Variants in NFASC observed in about 807,000 individuals in gnomAD.
NFASC encodes the protein neurofascin homolog.
In NFASC, 43 loss-of-function variants were observed where a neutral mutation model predicts 147.5. That is an observed-to-expected ratio of 0.29 (90% confidence interval 0.23 to 0.38). The LOEUF (loss-of-function observed/expected upper bound fraction) is 0.38. Among genes scored for constraint, NFASC ranks in the 10% least tolerant of loss-of-function variants. The pLI is 1.00. For synonymous variants in NFASC, 622 were observed against 665.5 expected, an observed-to-expected ratio of 0.93 and a Z score of 1.01; for missense variants, 1,320 against 1,689.0, an observed-to-expected ratio of 0.78 and a Z score of 3.83.
At chr1:204,851,209 A>C (rs915230556) in intron 1 of NFASC, among the ~76,000 whole-genome samples, 1 of 152,228 alleles carries the variant, frequency 6.6e-6, no homozygotes, top group Non-Finnish European at 1.5e-5. Context: ...CAACTTCAGC[A>C]TGTGAGAGCA....
chr1:204,873,793 C>G (rs1218745767), intron 1 of NFASC, among the ~76,000 whole-genome samples: 1 of 152,180 alleles, frequency 6.6e-6, no homozygotes, highest in South Asian at 2.1e-4. Context: ...GTAGCTTTTA[C>G]TTCCCCTCTG....
At chr1:204,993,295 G>A (rs920412396) in intron 24 of NFASC, among the ~76,000 whole-genome samples, 1 of 152,204 alleles carries the variant, frequency 6.6e-6, no homozygotes, top group Non-Finnish European at 1.5e-5. Context: ...TTTGGCCGGG[G>A]TAGTCAACAC....
intron 23 of NFASC, chr1:204,990,007 CA>C (rs2150630948): frequency 6.6e-6 from 1 of 152,498 alleles, no homozygotes; most frequent in East Asian, 1.9e-4. Context: ...CTGGGGCTAC[CA>C]GGCCCGCTGC....
At chr1:204,830,396 A>C (rs1671867175) in intron 1 of NFASC, among the ~76,000 whole-genome samples, 1 of 152,188 alleles carries the variant, frequency 6.6e-6, no homozygotes, top group Non-Finnish European at 1.5e-5. Context: ...GAAGGCAGGC[A>C]GAGATCTATC....
chr1:204,958,429 A>G (rs1454080240), intron 8 of NFASC, among the ~76,000 whole-genome samples: 1 of 152,136 alleles, frequency 6.6e-6, no homozygotes, highest in African/African-American at 2.4e-5. Flanking sequence ...TTTCGTTTCT[A>G]TTCCCTGATT....
intron 2 of NFASC, among the ~76,000 whole-genome samples, chr1:204,931,547 T>C (rs924908822): frequency 6.6e-6 from 1 of 152,250 alleles, no homozygotes; most frequent in Non-Finnish European, 1.5e-5. Context: ...TTCTAGTCAC[T>C]TGACTAGTTT....
In NFASC at chr1:204,845,743, A is replaced by T. The variant is rs183372585; in HGVS notation, c.-200+16961A>T. 4.3e-3 allele frequency among the ~76,000 whole-genome samples: 651 copies of T among 152,108 alleles called. 5 individuals are homozygous for T. The highest frequency in any genetic ancestry group is 0.015 in the African/African-American group (623 of 41,490). On this transcript the variant is annotated intron_variant, in intron 1 of 29. Transcript: ENST00000339876. ...ATAGCGAAATGCCATTTCTAAAAAAATTTTTTAAAAATCAGCTAGGCATGG... is the reference window on the plus strand; with the variant it reads ...ATAGCGAAATGCCATTTCTAAAAAATTTTTTTAAAAATCAGCTAGGCATGG...
intron 1 of NFASC, among the ~76,000 whole-genome samples, chr1:204,835,640 A>G (rs546649516): frequency 1.3e-5 from 2 of 152,220 alleles, no homozygotes; most frequent in South Asian, 4.2e-4. Flanking sequence ...GGTAAATGGC[A>G]TGGTTTGGGT....
chr1:204,859,744 G>C (rs2076501386), intron 1 of NFASC, among the ~76,000 whole-genome samples: 1 of 152,176 alleles, frequency 6.6e-6, no homozygotes, highest in African/African-American at 2.4e-5. Flanking sequence ...AACTAGTAAG[G>C]GATCTGGGCC....
At chr1:204,943,439 C>T (rs2802832) in intron 2 of NFASC, among the ~76,000 whole-genome samples, 122,196 of 152,090 alleles carry the variant, frequency 0.8, 49,824 homozygotes, top group Middle Eastern at 0.87. Context: ...ATCATACATG[C>T]TGTTTACTCT....
intron 2 of NFASC, among the ~76,000 whole-genome samples, chr1:204,940,920 C>T (rs1374463843): frequency 1.3e-5 from 2 of 152,216 alleles, no homozygotes; most frequent in Non-Finnish European, 2.9e-5. Context: ...TGTACATGTA[C>T]TTGTTTGATG....
intron 25 of NFASC, chr1:204,998,812 G>C (rs1188019518): frequency 3.3e-5 from 5 of 152,220 alleles, no homozygotes; most frequent in Admixed American, 3.3e-4. Flanking sequence ...AGTGGCTCTT[G>C]CTTCCCCAGC....
chr1:204,874,346 C>T (rs552857187), intron 1 of NFASC, among the ~76,000 whole-genome samples: 1 of 152,358 alleles, frequency 6.6e-6, no homozygotes, highest in South Asian at 2.1e-4. Flanking sequence ...TCTTCTGCCC[C>T]CTGGGCTGCC....
In NFASC at chr1:204,913,079, G is replaced by T. The variant is rs570906134; in HGVS notation, c.-199-7553G>T. 2.4e-3 allele frequency among the ~76,000 whole-genome samples: 372 copies of T among 152,168 alleles called. 1 individual carries two copies. Among genetic ancestry groups the T allele is most frequent in the South Asian group, 4.6e-3 (22 of 4,816 alleles). ...AGAAAAATAACTTTCAATGTGGTGGGATTCAAAATTAGTATGCAATAATTA... is the reference window on the plus strand; with the variant it reads ...AGAAAAATAACTTTCAATGTGGTGGTATTCAAAATTAGTATGCAATAATTA... On this transcript the variant is annotated intron_variant, in intron 1 of 29. Transcript: ENST00000339876.
intron 1 of NFASC, among the ~76,000 whole-genome samples, chr1:204,897,894 C>A: frequency 6.6e-6 from 1 of 152,152 alleles, no homozygotes; most frequent in East Asian, 1.9e-4. Context: ...TGCCACCACG[C>A]CCAGCTAATT....
chr1:204,969,463 C>T (rs764561558), intron 10 of NFASC, among the ~76,000 whole-genome samples: 1 of 152,212 alleles, frequency 6.6e-6, no homozygotes, highest in Non-Finnish European at 1.5e-5. Context: ...CGAGTGATTG[C>T]AGGCACCAGA....
intron 1 of NFASC, among the ~76,000 whole-genome samples, chr1:204,891,917 C>T (rs772420235): frequency 1.1e-4 from 17 of 152,156 alleles, no homozygotes; most frequent in African/African-American, 9.7e-5. Context: ...ACCCAGTCTA[C>T]GAGGAAACCT....
At chr1:204,944,072 C>G (rs555368580) in intron 2 of NFASC, among the ~76,000 whole-genome samples, 154 bp from the exon 3 acceptor site, 19 of 152,288 alleles carry the variant, frequency 1.2e-4, no homozygotes, top group African/African-American at 4.6e-4. Context: ...TTCAGTCCCA[C>G]GTGTCAGTAG....
At chr1:204,953,217 C>A (rs2149990026) in intron 5 of NFASC, among the ~76,000 whole-genome samples, 1 of 152,264 alleles carries the variant, frequency 6.6e-6, no homozygotes, top group South Asian at 2.1e-4. Flanking sequence ...CAGAGGGGGC[C>A]ATTCTAGTGC....
Sources: allele counts gnomAD v4.1 joint callset (sites outside exome capture counted in the v4.1 genomes callset), GRCh38; gene constraint gnomAD v4.1.1; transcripts MANE v1.5; gene names NCBI Gene and HGNC (gene_info 2026-07-23, HGNC 2026-07-21).